NIPBL: variants seen among roughly 807,000 people sequenced by gnomAD.
The protein encoded by NIPBL is NIPBL cohesin loading factor.
A neutral mutation model predicts 321.8 loss-of-function variants in NIPBL; 19 were observed. That is an observed-to-expected ratio of 0.06 (90% CI 0.04 to 0.09). The LOEUF is 0.09. Ranked by LOEUF, NIPBL falls within the 10% of genes least tolerant of loss-of-function variation. The pLI, the probability that NIPBL is intolerant of heterozygous loss-of-function variation, is 1.00. For missense variants in NIPBL, 2,210 were observed against 3,327.0 expected, an observed-to-expected ratio of 0.66 and a Z score of 8.26; for synonymous variants, 1,106 against 1,114.1, an observed-to-expected ratio of 0.99 and a Z score of 0.14.
intron 1 of NIPBL, among the ~76,000 whole-genome samples, chr5:36,921,177 A>G (rs945724597): frequency 1.3e-5 from 2 of 151,906 alleles, no homozygotes; most frequent in African/African-American, 4.8e-5. Flanking sequence ...AAAGTGTATT[A>G]TATGTTCTTG....
chr5:36,980,151 GA>G (rs1333384879), intron 9 of NIPBL, among the ~76,000 whole-genome samples: 1 of 151,520 alleles, frequency 6.6e-6, no homozygotes, highest in Non-Finnish European at 1.5e-5. Context: ...CTTTCCTTTG[GA>G]AAAATAGAAC....
chr5:37,044,224 C>CT (rs373965461), intron 34 of NIPBL, 123 bp from the exon 35 acceptor site: 3,151 of 766,490 alleles, frequency 4.1e-3, no homozygotes, highest in Non-Finnish European at 4.7e-3. Flanking sequence ...CTCTAACAGA[C>CT]TTTTTTTTTT....
At chr5:37,015,993 G>A (rs1561162856) in intron 22 of NIPBL, 45 bp from the exon 23 acceptor site, 3 of 1,603,762 alleles carry the variant, frequency 1.9e-6, no homozygotes, top group East Asian at 2.2e-5. Flanking sequence ...TGACTGACAT[G>A]TGTCACCTAA....
At chr5:36,927,018 G>A (rs2149566646) in intron 1 of NIPBL, among the ~76,000 whole-genome samples, 1 of 152,302 alleles carries the variant, frequency 6.6e-6, no homozygotes, top group South Asian at 2.1e-4. Context: ...GAAAGGAGAA[G>A]TTGGTTTTGT....
intron 1 of NIPBL, among the ~76,000 whole-genome samples, chr5:36,898,594 C>G (rs1000586704): frequency 4.0e-5 from 6 of 151,752 alleles, no homozygotes; most frequent in Non-Finnish European, 4.4e-5. Flanking sequence ...TCACCACAAC[C>G]TCCGCCTCCC....
intron 6 of NIPBL, among the ~76,000 whole-genome samples, chr5:36,963,241 A>G (rs1170105842): frequency 2.6e-5 from 4 of 152,154 alleles, no homozygotes; most frequent in Admixed American, 6.6e-5. Context: ...AGGATAATAT[A>G]AAAAACATCT....
intron 33 of NIPBL, among the ~76,000 whole-genome samples, chr5:37,037,871 T>A (rs1464756214): frequency 6.6e-6 from 1 of 152,088 alleles, no homozygotes; most frequent in Non-Finnish European, 1.5e-5. Flanking sequence ...CAATTTCTGT[T>A]TGTTGCTCCC....
chr5:36,878,621 T>C (rs1468602675), intron 1 of NIPBL, among the ~76,000 whole-genome samples: 1 of 152,228 alleles, frequency 6.6e-6, no homozygotes, highest in Non-Finnish European at 1.5e-5. Flanking sequence ...GTCATTAAAT[T>C]ATTGTCACTG....
chr5:36,919,130 A>G (rs1366231358), intron 1 of NIPBL, among the ~76,000 whole-genome samples: 2 of 152,172 alleles, frequency 1.3e-5, no homozygotes, highest in African/African-American at 2.4e-5. Flanking sequence ...CTCTGGTAGA[A>G]TTCGAATCCA....
chr5:36,913,214 A>G (rs1402501704), intron 1 of NIPBL, among the ~76,000 whole-genome samples: 1 of 152,184 alleles, frequency 6.6e-6, no homozygotes, highest in Non-Finnish European at 1.5e-5. Flanking sequence ...TTATTGTTGT[A>G]TAGGAGAATG....
intron 12 of NIPBL, 93 bp downstream of exon 12, chr5:37,000,663 A>G: frequency 2.9e-6 from 4 of 1,396,306 alleles, no homozygotes; most frequent in Non-Finnish European, 4.0e-6. Context: ...TTATGAGTTA[A>G]TAACTAATTT....
intron 46 of NIPBL, chr5:37,064,183 T>G: frequency 2.1e-6 from 3 of 1,415,922 alleles, no homozygotes; most frequent in Non-Finnish European, 1.8e-6. Context: ...AAAACAGAAA[T>G]GAGATTTATC....
At chr5:36,899,089 TG>T (rs1200825104) in intron 1 of NIPBL, among the ~76,000 whole-genome samples, 1 of 152,190 alleles carries the variant, frequency 6.6e-6, no homozygotes, top group African/African-American at 2.4e-5. Flanking sequence ...ATTTCCCAAT[TG>T]TGATTTCCAA....
intron 1 of NIPBL, chr5:36,885,966 A>G (rs1194100633): frequency 1.4e-6 from 1 of 731,340 alleles, no homozygotes; most frequent in African/African-American, 1.7e-5. Flanking sequence ...ATACAGGCCC[A>G]ATACGACGAG....
chr5:36,887,159 A>G (rs940075509), intron 1 of NIPBL, among the ~76,000 whole-genome samples: 2 of 152,166 alleles, frequency 1.3e-5, no homozygotes, highest in African/African-American at 4.8e-5. Flanking sequence ...ACATTATTAT[A>G]TGGCATTTAT....
At chr5:36,930,686 T>A (rs1462760833) in intron 1 of NIPBL, among the ~76,000 whole-genome samples, 1 of 152,172 alleles carries the variant, frequency 6.6e-6, no homozygotes, top group Admixed American at 6.5e-5. Context: ...TTTTCATAGA[T>A]GCTCTTTATT....
chr5:36,917,524 T>C (rs1748565196), intron 1 of NIPBL, among the ~76,000 whole-genome samples: 1 of 152,170 alleles, frequency 6.6e-6, no homozygotes, highest in Non-Finnish European at 1.5e-5. Context: ...TTTGTTGCCA[T>C]TGCTAAATGG....
chr5:36,918,024 T>C (rs1176708047), intron 1 of NIPBL, among the ~76,000 whole-genome samples: 1 of 152,308 alleles, frequency 6.6e-6, no homozygotes, highest in East Asian at 1.9e-4. Flanking sequence ...TTTGGTTCCA[T>C]GTGAACTTTA....
Position 37,063,911 on chromosome 5 carries a change from A to G in NIPBL, c.7982A>G (p.Asn2661Ser). Reference sequence around the variant, plus strand: ...CTGCTTGGAGGAGGCAGCCCTAAAAATAATACAGCAGCAGAGACAGAAGAT... The same window carrying G: ...CTGCTTGGAGGAGGCAGCCCTAAAAGTAATACAGCAGCAGAGACAGAAGAT... ...TSLLGGGSPK[N>S]NTAAETEDDE... The change falls in exon 46 of 47, where the codon AAT becomes AGT. Residue 2661 changes from asparagine (N) to serine (S), a missense_variant. This residue lies in a region of NIPBL where 159 missense variants were observed against 319.2 expected (regional missense o/e 0.50). Coordinates refer to ENST00000282516, the MANE Select transcript of NIPBL (RefSeq NM_133433.4). 1.2e-6 allele frequency: 2 copies of G among 1,614,106 alleles called. No homozygotes were observed. The highest frequency in any genetic ancestry group is 1.7e-6 in the Non-Finnish European group (2 of 1,180,022).
Sources: allele counts gnomAD v4.1 joint callset (sites outside exome capture counted in the v4.1 genomes callset), GRCh38; gene constraint gnomAD v4.1.1; regional missense constraint gnomAD v4.1.1; transcripts MANE v1.5; gene names NCBI Gene and HGNC (gene_info 2026-07-23, HGNC 2026-07-21).